Variants in FRMPD4 observed in about 807,000 individuals in gnomAD.
The protein encoded by FRMPD4 is FERM and PDZ domain containing 4, also known as FERM and PDZ domain-containing protein 4.
Under a neutral mutation model 94.1 loss-of-function variants are expected in FRMPD4, and 22 were observed. The observed-to-expected ratio is 0.23, with a 90% CI of 0.17 to 0.33. The LOEUF (loss-of-function observed/expected upper bound fraction) is 0.33, where lower values mean the gene tolerates loss of function less well. Ranked by LOEUF, FRMPD4 falls within the 10% of genes least tolerant of loss-of-function variation. The probability of loss-of-function intolerance (pLI) is 1.00; values close to 1 mark genes in which losing one functional copy is unlikely to be tolerated. For missense variants in FRMPD4, 1,111 were observed against 1,339.9 expected (o/e 0.83, Z 2.67); for synonymous variants, 631 against 548.6 (o/e 1.15, Z -2.10).
chrX:12,265,514 C>T (rs761907799), intron 1 of FRMPD4, among the ~76,000 whole-genome samples: 18 of 111,884 alleles, frequency 1.6e-4, no homozygotes, highest in African/African-American at 1.3e-4. Context: ...CAGCCATATA[C>T]GTGTTTAAAG....
intron 2 of FRMPD4, among the ~76,000 whole-genome samples, chrX:12,524,577 CCAAA>C (rs2058200443): frequency 9.0e-6 from 1 of 111,704 alleles, no homozygotes; most frequent in African/African-American, 3.3e-5. Context: ...AGCAGACTCT[CCAAA>C]CAGACTTCAA....
chrX:12,059,960 C>A (rs1236907588), intron 3 of FRMPD4, among the ~76,000 whole-genome samples: 1 of 111,676 alleles, frequency 9.0e-6, no homozygotes, highest in Non-Finnish European at 1.9e-5. Flanking sequence ...TACTGGGTAT[C>A]TATCCTCTGG....
chrX:12,671,124 T>G (rs910893353), intron 4 of FRMPD4, among the ~76,000 whole-genome samples: 2 of 111,980 alleles, frequency 1.8e-5, no homozygotes, highest in Admixed American at 1.9e-4. Context: ...AGGAATGCTT[T>G]TACACTGTTG....
intron 4 of FRMPD4, among the ~76,000 whole-genome samples, chrX:12,659,517 T>C (rs2059693316): frequency 8.9e-6 from 1 of 112,496 alleles, no homozygotes; most frequent in South Asian, 3.7e-4. Context: ...TAGGATGTTT[T>C]GCAGCAACTA....
intron 1 of FRMPD4, among the ~76,000 whole-genome samples, chrX:12,380,291 A>G (rs1412361771): frequency 8.9e-6 from 1 of 112,271 alleles, no homozygotes; most frequent in African/African-American, 3.2e-5. Flanking sequence ...ACTTTATAAA[A>G]TATGTTACTA....
chrX:12,218,731 C>G (rs1418428550), intron 1 of FRMPD4, among the ~76,000 whole-genome samples: 1 of 111,465 alleles, frequency 9.0e-6, no homozygotes, highest in African/African-American at 3.3e-5. Context: ...TCAACTAGAC[C>G]AGAGTTTTAA....
intron 1 of FRMPD4, among the ~76,000 whole-genome samples, chrX:11,848,572 T>G (rs1359296014): frequency 9.2e-6 from 1 of 108,596 alleles, no homozygotes; most frequent in Non-Finnish European, 1.9e-5. Flanking sequence ...GACTCTTTCA[T>G]CCAGGGATAT....
chrX:11,978,384 T>C (rs1167713464), intron 3 of FRMPD4, among the ~76,000 whole-genome samples: 1 of 104,511 alleles, frequency 9.6e-6, no homozygotes, highest in African/African-American at 3.5e-5. Context: ...ATTCAGATGG[T>C]TGGGGGGCCT....
rs1158803862 is a variant in FRMPD4 at position 12,479,456 on chromosome X, GTATATA to G, written c.42-19222_42-19217del. On this transcript the variant is annotated intron_variant, in intron 1 of 16. Transcript: ENST00000675598. ...TATACACACATATATGTATATATAT[GTATATA>G]TGTATATATATGTATATACATATAT... 3.1e-3 allele frequency among the ~76,000 whole-genome samples: 77 copies of G among 25,119 alleles called. 2 individuals are homozygous for G. The highest frequency in any genetic ancestry group is 7.5e-3 in the African/African-American group (72 of 9,553). The allele number at this position is 25,119 out of a possible 115,157, so 21.8% of individuals were successfully genotyped here. A position where few individuals can be genotyped will look rare whatever the true frequency, so the allele number is the denominator to read the frequency against.
intron 1 of FRMPD4, among the ~76,000 whole-genome samples, chrX:12,208,399 G>GA (rs901652125): frequency 9.1e-6 from 1 of 109,537 alleles, no homozygotes; most frequent in African/African-American, 3.3e-5. Flanking sequence ...AGGTTTCTAG[G>GA]AAAAAATGGA....
chrX:12,215,287 CCT>C (rs2056795445), intron 1 of FRMPD4, among the ~76,000 whole-genome samples: 1 of 111,182 alleles, frequency 9.0e-6, no homozygotes, highest in Non-Finnish European at 1.9e-5. Flanking sequence ...AGCCCCTCCT[CCT>C]CTCTCTCACT....
chrX:12,126,574 C>T (rs1250398601), intron 3 of FRMPD4, among the ~76,000 whole-genome samples: 1 of 111,207 alleles, frequency 9.0e-6, no homozygotes, highest in Non-Finnish European at 1.9e-5. Context: ...AAAGAGCCCC[C>T]CTGAGTGGTT....
chrX:11,961,652 A>G (rs754310234), intron 3 of FRMPD4, among the ~76,000 whole-genome samples: 1 of 111,253 alleles, frequency 9.0e-6, no homozygotes, highest in Non-Finnish European at 1.9e-5. Flanking sequence ...ACTATGCGGT[A>G]CCTTCAAAGA....
intron 1 of FRMPD4, among the ~76,000 whole-genome samples, chrX:12,465,269 A>G (rs2057437224): frequency 8.9e-6 from 1 of 112,117 alleles, no homozygotes; most frequent in Admixed American, 9.5e-5. Flanking sequence ...TAAGGTGCTC[A>G]TTTCTTTGTC....
chrX:12,707,861 C>G (rs73632695), intron 13 of FRMPD4, among the ~76,000 whole-genome samples: 5,575 of 111,957 alleles, frequency 0.05, 354 homozygotes, highest in African/African-American at 0.17. Context: ...TAATTCTCTG[C>G]GCTCAATTTT....
chrX:11,947,438 C>A (rs1179680411), intron 3 of FRMPD4, among the ~76,000 whole-genome samples: 4 of 111,963 alleles, frequency 3.6e-5, no homozygotes, highest in African/African-American at 1.3e-4. Flanking sequence ...ATCTTGGCAG[C>A]CTCAATGCTT....
At chrX:12,569,878 GT>G (rs1353756472) in intron 2 of FRMPD4, among the ~76,000 whole-genome samples, 2 of 111,819 alleles carry the variant, frequency 1.8e-5, no homozygotes, top group African/African-American at 3.3e-5. Flanking sequence ...GGACTGCCAG[GT>G]TCCTAAATCT....
intron 1 of FRMPD4, among the ~76,000 whole-genome samples, chrX:12,448,103 C>T (rs1351921361): frequency 1.2e-4 from 13 of 111,364 alleles, no homozygotes; most frequent in African/African-American, 4.3e-4. Context: ...AATCCTCTGA[C>T]TGTGCATGTT....
At chrX:12,659,792 C>T (rs892595994) in intron 4 of FRMPD4, among the ~76,000 whole-genome samples, 3 of 112,374 alleles carry the variant, frequency 2.7e-5, no homozygotes, top group Non-Finnish European at 5.6e-5. Flanking sequence ...AATAGAAGCA[C>T]TATTTTCATC....
Sources: allele counts gnomAD v4.1 joint callset (sites outside exome capture counted in the v4.1 genomes callset), GRCh38; gene constraint gnomAD v4.1.1; transcripts MANE v1.5; gene names NCBI Gene and HGNC (gene_info 2026-07-23, HGNC 2026-07-21).